The following HIC1 variants were observed in gnomAD, a reference collection of about 807,000 sequenced individuals.
HIC1 encodes hypermethylated in cancer 1 protein.
A neutral mutation model predicts 26.4 loss-of-function variants in HIC1; 9 were observed. The observed-to-expected ratio is 0.34, with a 90% CI of 0.21 to 0.59. The LOEUF (loss-of-function observed/expected upper bound fraction) is 0.59, where lower values mean the gene tolerates loss of function less well. Among genes scored for constraint, HIC1 ranks in the 20% least tolerant of loss-of-function variants. The pLI, the probability that HIC1 is intolerant of heterozygous loss-of-function variation, is 0.82. For synonymous variants in HIC1, 631 were observed against 523.1 expected (o/e 1.21, Z -2.81); for missense variants, 965 against 1,075.7 (o/e 0.90, Z 1.44).
At position 2,056,986 on chromosome 17, in the gene HIC1, T is replaced by TGGCCCC. The variant is rs2067678020; in HGVS notation, c.299_304dup (p.Ala100_Pro101dup). The TGGCCCC allele has an allele frequency of 6.4e-6, 10 of 1,564,600 alleles. No homozygotes were observed. The highest frequency in any genetic ancestry group is 5.6e-5 in the African/African-American group (4 of 71,802). ...GCAGAGGCGGCTGCGGCCGCGGCCG[T>TGGCCCC]GGCCCCGGGGGCTGAGCCGAGCCTG... On this transcript the variant is annotated inframe_insertion, in exon 2 of 2. Coordinates refer to ENST00000619757, the MANE Select transcript of HIC1 (RefSeq NM_006497.4).
rs2067694726 is a variant in HIC1 at position 2,058,256 on chromosome 17, G to C, written c.1566G>C (p.Gly522=). 6.2e-7 allele frequency: 1 copy of C among 1,611,352 alleles called. No individual in the cohort carries two copies. Among genetic ancestry groups the C allele is most frequent in the African/African-American group, 1.3e-5 (1 of 74,924 alleles). Residue 522 remains glycine, a synonymous_variant, in exon 2 of 2, where the codon GGG becomes GGC. Coordinates refer to ENST00000619757, the MANE Select transcript of HIC1 (RefSeq NM_006497.4). ...LTRPYPCTIC[G]KKFTQRGTMT... ...GGCCCTACCCATGCACCATCTGCGG[G>C]AAGAAGTTCACGCAGCGTGGGACCA... is the stretch of plus-strand genomic sequence containing the variant.
In HIC1 at chr17:2,061,423, G is replaced by T; in HGVS notation, c.*2588G>T. 6.7e-7 allele frequency: 1 copy of T among 1,483,006 alleles called. No individual in the cohort carries two copies. Among genetic ancestry groups the T allele is most frequent in the Non-Finnish European group, 9.1e-7 (1 of 1,103,144 alleles). The allele number at this position is 1,483,006 out of a possible 1,614,324, so 91.9% of individuals were successfully genotyped here. ...TGGCTCAGGCACGTGGGCATCTTCC[G>T]TGCTACACTGGGCGCCTGGTGGCCT... On this transcript the variant is annotated 3_prime_UTR_variant, in exon 2 of 2. Transcript: ENST00000619757.
Position 2,058,738 on chromosome 17 carries a change from G to C in HIC1, c.2048G>C (p.Gly683Ala). 1 of 1,530,320 alleles carries C rather than the reference G, an allele frequency of 6.5e-7. No homozygotes were observed. The highest frequency in any genetic ancestry group is 8.8e-7 in the Non-Finnish European group (1 of 1,142,756). The allele number at this position is 1,530,320 out of a possible 1,614,324, so 94.8% of individuals were successfully genotyped here. Residue 683 changes from glycine to alanine, a missense_variant, in exon 2 of 2, where the codon GGC (glycine) becomes GCC (alanine). Physicochemically the swap from Gly to Ala is moderately conservative, Grantham distance 60. Coordinates refer to ENST00000619757, the MANE Select transcript of HIC1 (RefSeq NM_006497.4). ...YPLAKFTAEL[G>A]LSPDKAAEVL... ...CTGGCCAAGTTCACGGCCGAGCTGG[G>C]CCTCAGCCCCGACAAGGCGGCCGAG...
In HIC1 at chr17:2,061,597, C is replaced by T; in HGVS notation, c.*2762C>T. The T allele has an allele frequency of 6.4e-7, 1 of 1,572,658 alleles. No homozygotes were observed. The highest frequency in any genetic ancestry group is 1.2e-5 in the South Asian group (1 of 85,890). ...TCCGGTCATCCGTCAACAGCACCAC[C>T]TCCCGCAGTAGCCGGATTGGCTCCT... On this transcript the variant is annotated 3_prime_UTR_variant, in exon 2 of 2. Coordinates refer to ENST00000619757, the MANE Select transcript of HIC1 (RefSeq NM_006497.4).
chr17:2,056,579 G>T, intron 1 of HIC1, 92 bp from the exon 2 acceptor site: 1 of 1,447,704 alleles, frequency 6.9e-7, no homozygotes. Context: ...GCTCAGCTGA[G>T]GGAAGGGGAA....
At position 2,058,478 on chromosome 17, in the gene HIC1, G is replaced by A; in HGVS notation, c.1788G>A (p.Val596=). 1.3e-6 allele frequency: 2 copies of A among 1,513,712 alleles called. No individual in the cohort carries two copies. The highest frequency in any genetic ancestry group is 1.8e-6 in the Non-Finnish European group (2 of 1,140,058). 93.8% of individuals were successfully genotyped at this position (1,513,712 alleles called of 1,614,324 possible). The change falls in exon 2 of 2, where the codon GTG becomes GTA. Residue 596 remains valine, a synonymous_variant. Transcript: ENST00000619757. ...NLISHMKMHA[V]GGAAGAAGAL... Reference sequence around the variant, plus strand: ...TCAGCCACATGAAGATGCACGCCGTGGGGGGCGCGGCCGGCGCGGCCGGGG... The same window carrying A: ...TCAGCCACATGAAGATGCACGCCGTAGGGGGCGCGGCCGGCGCGGCCGGGG...
Position 2,057,374 on chromosome 17 carries a change from G to C in HIC1, c.684G>C (p.Lys228Asn). The change falls in exon 2 of 2, where the codon AAG becomes AAC. Residue 228 changes from lysine to asparagine, a missense_variant. Lys to Asn is a moderately conservative substitution (Grantham distance 94). Coordinates refer to ENST00000619757, the MANE Select transcript of HIC1 (RefSeq NM_006497.4). ...TTTGTGGCCTGGACCTGTCCAAGAAGAGCCCGCCGGGCTCCGCGGCGCCAG... is the reference window on the plus strand; with the variant it reads ...TTTGTGGCCTGGACCTGTCCAAGAACAGCCCGCCGGGCTCCGCGGCGCCAG... ...SPLCGLDLSK[K>N]SPPGSAAPER... 4 of 1,457,560 alleles carry C rather than the reference G, an allele frequency of 2.7e-6. No individual in the cohort carries two copies. Among genetic ancestry groups the C allele is most frequent in the Non-Finnish European group, 3.6e-6 (4 of 1,112,162 alleles). 90.3% of individuals were successfully genotyped at this position (1,457,560 alleles called of 1,614,324 possible). A position where few individuals can be genotyped will look rare whatever the true frequency, so the allele number is the denominator to read the frequency against.
In HIC1 at chr17:2,061,714, G is replaced by A. The variant is rs1597310872; in HGVS notation, c.*2879G>A. On this transcript the variant is annotated 3_prime_UTR_variant, in exon 2 of 2. Transcript: ENST00000619757. The stretch of plus-strand genomic sequence containing the variant: ...ACCCTGGAGAATGTGGTCCTGGGGA[G>A]GGGGTGCCACGCTAGCCGTGTCTTG... 7.1e-7 allele frequency: 1 copy of A among 1,410,224 alleles called. No homozygotes were observed. The highest frequency in any genetic ancestry group is 9.7e-7 in the Non-Finnish European group (1 of 1,035,990). 87.4% of individuals were successfully genotyped at this position (1,410,224 alleles called of 1,614,324 possible). A position where few individuals can be genotyped will look rare whatever the true frequency, so the allele number is the denominator to read the frequency against.
Position 2,061,467 on chromosome 17 carries a change from G to C in HIC1, c.*2632G>C. On this transcript the variant is annotated 3_prime_UTR_variant, in exon 2 of 2. Transcript: ENST00000619757. ...GTGGCCTTTCAGGAACGGTTCCACG[G>C]GGGGGGGGCCCCAGTGTGGCTCCCT... The C allele has an allele frequency of 6.4e-7, 1 of 1,559,670 alleles. No individual in the cohort carries two copies. The highest frequency in any genetic ancestry group is 8.7e-7 in the Non-Finnish European group (1 of 1,151,430).
intron 1 of HIC1, 23 bp from the exon 2 acceptor site, chr17:2,056,648 C>T: frequency 2.0e-6 from 3 of 1,515,520 alleles, no homozygotes; most frequent in Non-Finnish European, 2.7e-6. Context: ...CGGCTCTCAC[C>T]CGGCCGGTGT....
chr17:2,058,936 C>T lies in HIC1; in HGVS notation c.*101C>T, dbSNP rs374245376. ...GCAGGGCCCACTGTGCCCGGGACAA[C>T]CGCAGCGTCGCCACAGTGGCGGCTC... On this transcript the variant is annotated 3_prime_UTR_variant, in exon 2 of 2. Transcript: ENST00000619757. 2 of 1,082,374 alleles carry T rather than the reference C, an allele frequency of 1.8e-6. No individual in the cohort carries two copies. The highest frequency in any genetic ancestry group is 2.5e-6 in the Non-Finnish European group (2 of 806,414). 67.0% of individuals were successfully genotyped at this position (1,082,374 alleles called of 1,614,324 possible).
In HIC1 at chr17:2,063,153, C is replaced by A. The variant is rs954774777; in HGVS notation, c.*4318C>A. ...AGGAGCGTCCCAGGCCTTAGGTCAGCTAACCAAGGCCCGACATTGCTGGCA... is the reference window on the plus strand; with the variant it reads ...AGGAGCGTCCCAGGCCTTAGGTCAGATAACCAAGGCCCGACATTGCTGGCA... On this transcript the variant is annotated 3_prime_UTR_variant, in exon 2 of 2. Transcript: ENST00000619757. 6.6e-6 allele frequency: 1 copy of A among 152,204 alleles called. No individual in the cohort carries two copies. The allele number at this position is 152,204 out of a possible 1,614,324, so 9.4% of individuals were successfully genotyped here.
intron 1 of HIC1, chr17:2,056,430 C>T (rs1336992107): frequency 1.1e-5 from 16 of 1,461,374 alleles, no homozygotes; most frequent in African/African-American, 1.4e-5. Context: ...CTGGGGCGTG[C>T]AGGCCGCCCT....
chr17:2,058,699 A>G lies in HIC1; in HGVS notation c.2009A>G (p.Glu670Gly). Residue 670 changes from glutamate to glycine, a missense_variant, in exon 2 of 2, where the codon GAG (glutamate) becomes GGG (glycine). Physicochemically the swap from Glu to Gly is moderately conservative, Grantham distance 98. Around this residue, in one of 6 missense-constraint regions of HIC1, gnomAD observed 210 missense variants for 179.2 expected, o/e 1.17. Coordinates refer to ENST00000619757, the MANE Select transcript of HIC1 (RefSeq NM_006497.4). Reference protein sequence around the residue: ...HFLHDPKVALESLYPLAKFTA... With the variant: ...HFLHDPKVALGSLYPLAKFTA... ...CTGCACGACCCCAAGGTGGCGCTGG[A>G]GAGCCTCTACCCGCTGGCCAAGTTC... 1 of 1,545,882 alleles carries G rather than the reference A, an allele frequency of 6.5e-7. No individual in the cohort carries two copies. Among genetic ancestry groups the G allele is most frequent in the South Asian group, 1.2e-5 (1 of 83,624 alleles).
At position 2,061,720 on chromosome 17, in the gene HIC1, G is replaced by T; in HGVS notation, c.*2885G>T. On this transcript the variant is annotated 3_prime_UTR_variant, in exon 2 of 2. Coordinates refer to ENST00000619757, the MANE Select transcript of HIC1 (RefSeq NM_006497.4). ...GAGAATGTGGTCCTGGGGAGGGGGT[G>T]CCACGCTAGCCGTGTCTTGGCTCTT... is the stretch of plus-strand genomic sequence containing the variant. 1.5e-6 allele frequency: 2 copies of T among 1,348,560 alleles called. No homozygotes were observed. The highest frequency in any genetic ancestry group is 2.0e-6 in the Non-Finnish European group (2 of 984,370). 83.5% of individuals were successfully genotyped at this position (1,348,560 alleles called of 1,614,324 possible). A position where few individuals can be genotyped will look rare whatever the true frequency, so the allele number is the denominator to read the frequency against.
At position 2,055,594 on chromosome 17, in the gene HIC1, C is replaced by A. The variant is rs1331982227; in HGVS notation, c.-21+356C>A. ...CATCGGCTAAGAGCTGCCACCGCCG[C>A]GGGGAGGGGAGCCCGGCCCGCCGGG... On this transcript the variant is annotated intron_variant, in intron 1 of 1. Coordinates refer to ENST00000619757, the MANE Select transcript of HIC1 (RefSeq NM_006497.4). The surrounding 1 kb of genome is among the most constrained non-coding windows in gnomAD (Gnocchi z 6.4). Among the ~76,000 whole-genome samples, 1 of 145,882 alleles carries A rather than the reference C, an allele frequency of 6.9e-6. No homozygotes were observed. The highest frequency in any genetic ancestry group is 1.5e-5 in the Non-Finnish European group (1 of 66,358).
intron 1 of HIC1, chr17:2,056,338 T>C: frequency 1.9e-6 from 3 of 1,613,464 alleles, no homozygotes; most frequent in Non-Finnish European, 2.5e-6. Flanking sequence ...GACATTTTAC[T>C]TAAATCGGGT....
In HIC1 at chr17:2,055,569, C is replaced by T. The variant is rs1439562275; in HGVS notation, c.-21+331C>T. On this transcript the variant is annotated intron_variant, in intron 1 of 1. Coordinates refer to ENST00000619757, the MANE Select transcript of HIC1 (RefSeq NM_006497.4). This position sits in a 1 kb window ranked among gnomAD's most constrained non-coding sequence, Gnocchi z 6.4. ...CGGGGCCTGGCAGCGGCGGGTGGGG[C>T]ATCGGCTAAGAGCTGCCACCGCCGC... is the stretch of plus-strand genomic sequence containing the variant. Among the ~76,000 whole-genome samples the T allele has an allele frequency of 6.6e-6, 1 of 150,648 alleles. No individual in the cohort carries two copies. The highest frequency in any genetic ancestry group is 2.4e-5 in the African/African-American group (1 of 41,094).
chr17:2,055,590 G>T lies in HIC1; in HGVS notation c.-21+352G>T, dbSNP rs1295308677. On this transcript the variant is annotated intron_variant, in intron 1 of 1. Coordinates refer to ENST00000619757, the MANE Select transcript of HIC1 (RefSeq NM_006497.4). This position sits in a 1 kb window ranked among gnomAD's most constrained non-coding sequence, Gnocchi z 6.4. ...GGGGCATCGGCTAAGAGCTGCCACC[G>T]CCGCGGGGAGGGGAGCCCGGCCCGC... Among the ~76,000 whole-genome samples, 10 of 150,494 alleles carry T rather than the reference G, an allele frequency of 6.6e-5. No individual in the cohort carries two copies. Among genetic ancestry groups the T allele is most frequent in the African/African-American group, 1.7e-4 (7 of 41,046 alleles).
Sources: gnomAD v4.1 joint callset for allele counts (sites outside exome capture counted in the v4.1 genomes callset) on GRCh38, gnomAD v4.1.1 for gene constraint, gnomAD v4.1.1 regional missense constraint, Gnocchi (gnomAD v3.1) non-coding constraint, MANE v1.5 for transcripts, NCBI Gene and HGNC (gene_info 2026-07-23, HGNC 2026-07-21) for gene names.